Variants in PRUNE2 observed in about 807,000 individuals in gnomAD.
PRUNE2 encodes the protein protein prune homolog 2.
PRUNE2 carries 164 observed loss-of-function variants against 252.0 expected under a neutral mutation model. That is an observed-to-expected ratio of 0.65 (90% CI 0.57 to 0.74). The LOEUF (loss-of-function observed/expected upper bound fraction) is 0.74, where lower values mean the gene tolerates loss of function less well. PRUNE2 is among the 30% of genes least tolerant of loss of function. The probability of loss-of-function intolerance (pLI) is 0.00; values close to 1 mark genes in which losing one functional copy is unlikely to be tolerated. For missense variants in PRUNE2, 3,495 were observed against 3,711.0 expected (o/e 0.94, Z 1.51); for synonymous variants, 1,292 against 1,350.2 (o/e 0.96, Z 0.94).
chr9:76,860,314 T>G (rs2060481513), intron 1 of PRUNE2, among the ~76,000 whole-genome samples: 1 of 152,248 alleles, frequency 6.6e-6, no homozygotes, highest in Non-Finnish European at 1.5e-5. Flanking sequence ...AACAGCAGTA[T>G]GTCTATTCCT....
chr9:76,733,830 A>G (rs1168544578), intron 6 of PRUNE2: 1 of 152,168 alleles, frequency 6.6e-6, no homozygotes, highest in African/African-American at 2.4e-5. Flanking sequence ...AAAATATAAT[A>G]ACTGTCATTT....
At chr9:76,742,497 T>C (rs1191228443) in intron 6 of PRUNE2, among the ~76,000 whole-genome samples, 1 of 151,924 alleles carries the variant, frequency 6.6e-6, no homozygotes, top group African/African-American at 2.4e-5. Flanking sequence ...ATGTGCCTGT[T>C]GTCCAAGCTA....
chr9:76,632,459 C>A (rs964997096), intron 15 of PRUNE2, among the ~76,000 whole-genome samples: 1 of 152,170 alleles, frequency 6.6e-6, no homozygotes, highest in African/African-American at 2.4e-5. Flanking sequence ...ATTGGGCAGA[C>A]AATTGGTTTC....
chr9:76,780,201 C>A (rs911179296), intron 6 of PRUNE2, among the ~76,000 whole-genome samples: 5 of 152,128 alleles, frequency 3.3e-5, no homozygotes, highest in African/African-American at 1.2e-4. Flanking sequence ...AGCTACATGA[C>A]CCAATTATAT....
At chr9:76,650,952 G>T (rs1487959492) in intron 11 of PRUNE2, among the ~76,000 whole-genome samples, 5 of 152,126 alleles carry the variant, frequency 3.3e-5, no homozygotes, top group Non-Finnish European at 7.3e-5. Flanking sequence ...GTGGGATTTT[G>T]TCAATATATT....
rs772318689 is a variant in PRUNE2, at chr9:76,705,085, C to G, written c.7189G>C (p.Asp2397His). 14 of 1,613,870 alleles carry G rather than the reference C, an allele frequency of 8.7e-6. No individual in the cohort carries two copies. The African/African-American group carries it at 1.7e-4, about 20-fold the overall frequency. The stretch of plus-strand genomic sequence containing the variant: ...GCAGGTTCTGTGAGATAAGACAAAT[C>G]AAAGGGAGGTGTGTACGGTGCCAGC... ...QSLAPYTPPF[D>H]LSYLTEPAQS... Residue 2397 changes from aspartate to histidine, a missense_variant, in exon 8 of 19, where the codon GAT (aspartate) becomes CAT (histidine). Physicochemically the swap from Asp to His is moderately conservative, Grantham distance 81. Coordinates refer to ENST00000376718, the MANE Select transcript of PRUNE2 (RefSeq NM_015225.3).
At chr9:76,823,457 A>C in intron 6 of PRUNE2, 175 bp downstream of exon 6, 1 of 591,350 alleles carries the variant, frequency 1.7e-6, no homozygotes, top group Non-Finnish European at 3.0e-6. Flanking sequence ...TTTTTCATTG[A>C]CTTAGCATAG....
chr9:76,620,106 C>T (rs765733496), intron 17 of PRUNE2, among the ~76,000 whole-genome samples: 3 of 150,012 alleles, frequency 2.0e-5, no homozygotes, highest in Non-Finnish European at 4.4e-5. Flanking sequence ...TTGATGAATA[C>T]TCATTACACC....
Position 76,709,221 on chromosome 9 carries a change from G to A in PRUNE2, c.3053C>T (p.Ser1018Leu). The A allele has an allele frequency of 6.2e-7, 1 of 1,613,882 alleles. No individual in the cohort carries two copies. The highest frequency in any genetic ancestry group is 8.5e-7 in the Non-Finnish European group (1 of 1,179,836). Residue 1018 changes from serine to leucine, a missense_variant, in exon 8 of 19, where the codon TCA becomes TTA. By Grantham distance (145) the Ser-to-Leu change is moderately radical (BLOSUM62 -2). Transcript: ENST00000376718. Reference protein sequence around the residue: ...TDIPPQSLQQSSRNRISSGPG... With the variant: ...TDIPPQSLQQLSRNRISSGPG... ...ACCTGAACTGATTCGATTTCGAGATGACTGTTGCAGTGACTGAGGAGGAAT... is the reference window on the plus strand; with the variant it reads ...ACCTGAACTGATTCGATTTCGAGATAACTGTTGCAGTGACTGAGGAGGAAT...
At position 76,846,613 on chromosome 9, in the gene PRUNE2, T is replaced by G; in HGVS notation, c.410A>C (p.Asn137Thr). Reference sequence around the variant, plus strand: ...AGAGGAAGACTCTCGGAACTCAACGTTGGCATCGCTCTGCTCAACCGGATT... The same window carrying G: ...AGAGGAAGACTCTCGGAACTCAACGGTGGCATCGCTCTGCTCAACCGGATT... The part of the protein sequence containing the change: ...VINPVEQSDA[N>T]VEFRESSSSL... The change falls in exon 4 of 19, where the codon AAC (asparagine) becomes ACC (threonine). Residue 137 changes from asparagine (N) to threonine (T), a missense_variant. Coordinates refer to ENST00000376718, the MANE Select transcript of PRUNE2 (RefSeq NM_015225.3). The G allele has an allele frequency of 6.2e-7, 1 of 1,614,116 alleles. No homozygotes were observed. The highest frequency in any genetic ancestry group is 8.5e-7 in the Non-Finnish European group (1 of 1,179,918).
intron 6 of PRUNE2, among the ~76,000 whole-genome samples, chr9:76,774,607 T>A (rs917241920): frequency 2.2e-4 from 34 of 151,862 alleles, no homozygotes; most frequent in African/African-American, 8.2e-4. Context: ...TACAGGTGTA[T>A]GTCATCATGC....
chr9:76,667,456 A>G lies in PRUNE2; in HGVS notation c.8277-11954T>C, dbSNP rs144220735. Among the ~76,000 whole-genome samples the G allele has an allele frequency of 2.7e-3, 405 of 152,320 alleles. 1 individual carries two copies. Among genetic ancestry groups the G allele is most frequent in the Non-Finnish European group, 4.5e-3 (305 of 68,016 alleles). On this transcript the variant is annotated intron_variant, in intron 9 of 18. Transcript: ENST00000376718. Reference sequence around the variant, plus strand: ...GCAGCCCCCATTTCACCTGCTCAGCATCTCCTGGGATTTACACTTTGGGAA... The same window carrying G: ...GCAGCCCCCATTTCACCTGCTCAGCGTCTCCTGGGATTTACACTTTGGGAA...
chr9:76,713,230 G>A (rs557354976), intron 7 of PRUNE2, among the ~76,000 whole-genome samples: 28 of 152,196 alleles, frequency 1.8e-4, no homozygotes, highest in Admixed American at 2.6e-4. Context: ...GCACCAAACC[G>A]GTCCTGGGAC....
chr9:76,902,036 T>TG (rs35885555), intron 1 of PRUNE2, among the ~76,000 whole-genome samples: 3 of 152,076 alleles, frequency 2.0e-5, no homozygotes, highest in East Asian at 1.9e-4. Context: ...TTGCATCACC[T>TG]GGGGGGGTCT....
At chr9:76,860,757 T>C (rs1006523724) in intron 1 of PRUNE2, among the ~76,000 whole-genome samples, 3 of 152,178 alleles carry the variant, frequency 2.0e-5, no homozygotes, top group African/African-American at 7.2e-5. Flanking sequence ...GGTCCCTCAT[T>C]TCTAACCAAA....
intron 6 of PRUNE2, among the ~76,000 whole-genome samples, chr9:76,798,916 G>A (rs1220564093): frequency 6.6e-6 from 1 of 152,188 alleles, no homozygotes; most frequent in Admixed American, 6.5e-5. Context: ...AGGCTTTGAG[G>A]AAAAGGGACA....
intron 6 of PRUNE2, among the ~76,000 whole-genome samples, chr9:76,763,006 A>G (rs1353217483): frequency 1.3e-5 from 2 of 152,156 alleles, no homozygotes; most frequent in Admixed American, 1.3e-4. Context: ...CATTTCTGAG[A>G]CACATCCTCT....
rs1848826273 is a variant in PRUNE2 at position 76,655,480 on chromosome 9, T to C, written c.8299A>G (p.Met2767Val). Residue 2767 changes from methionine to valine, a missense_variant, in exon 10 of 19, where the codon ATG (methionine) becomes GTG (valine). Transcript: ENST00000376718. The part of the protein sequence containing the change: ...PNGLLSEDVG[M>V]DIPFEEGVLS... The stretch of plus-strand genomic sequence containing the variant: ...ACGCCCTCTTCAAAGGGGATGTCCA[T>C]TCCTACATCCTCTGACAGTAGTCTG... 1 of 1,612,804 alleles carries C rather than the reference T, an allele frequency of 6.2e-7. No individual in the cohort carries two copies. Among genetic ancestry groups the C allele is most frequent in the Non-Finnish European group, 8.5e-7 (1 of 1,179,392 alleles).
At position 76,703,543 on chromosome 9, in the gene PRUNE2, T is replaced by A. The variant is rs1383597164; in HGVS notation, c.8070A>T (p.Glu2690Asp). 1 of 1,613,822 alleles carries A rather than the reference T, an allele frequency of 6.2e-7. No homozygotes were observed. Among genetic ancestry groups the A allele is most frequent in the East Asian group, 2.2e-5 (1 of 44,880 alleles). Residue 2690 changes from glutamate to aspartate, a missense_variant, in exon 9 of 19, where the codon GAA becomes GAT. By Grantham distance (45) the Glu-to-Asp change is conservative. Transcript: ENST00000376718. ...GTGATTGGCTGACTGGACCAGAGGCTTCCTCTAGTGCCAAAGATTCTAGAG... is the reference window on the plus strand; with the variant it reads ...GTGATTGGCTGACTGGACCAGAGGCATCCTCTAGTGCCAAAGATTCTAGAG... ...MKPLESLALE[E>D]ASGPVSQSQK...
Sources: gnomAD v4.1 joint callset for allele counts (sites outside exome capture counted in the v4.1 genomes callset) on GRCh38, gnomAD v4.1.1 for gene constraint, MANE v1.5 for transcripts, NCBI Gene and HGNC (gene_info 2026-07-23, HGNC 2026-07-21) for gene names.